The following KIAA1328 variants were observed in gnomAD, a reference collection of about 807,000 sequenced individuals.
KIAA1328 encodes the protein protein hinderin.
KIAA1328 carries 52 observed loss-of-function variants against 68.1 expected under a neutral mutation model. The observed-to-expected ratio is 0.76, with a 90% confidence interval of 0.61 to 0.96. The LOEUF (loss-of-function observed/expected upper bound fraction) is 0.96, where lower values mean the gene tolerates loss of function less well. Ranked by LOEUF, KIAA1328 falls within the 40% of genes least tolerant of loss-of-function variation. The probability of loss-of-function intolerance (pLI) is 0.00; values close to 1 mark genes in which losing one functional copy is unlikely to be tolerated. For synonymous variants in KIAA1328, 232 were observed against 239.4 expected, an observed-to-expected ratio of 0.97 and a Z score of 0.28; for missense variants, 641 against 677.6, an observed-to-expected ratio of 0.95 and a Z score of 0.60.
In KIAA1328 at chr18:37,206,108, A is replaced by G. The variant is rs552874069; in HGVS notation, c.1524-15909A>G. ...TAATTTAAATATATTCCCCCTTTTG[A>G]GAGAAGGAAATGTATACATTGTAAA... On this transcript the variant is annotated intron_variant, in intron 9 of 9. Coordinates refer to ENST00000280020, the MANE Select transcript of KIAA1328 (RefSeq NM_020776.3). Among the ~76,000 whole-genome samples, 31 of 152,200 alleles carry G rather than the reference A, an allele frequency of 2.0e-4. 1 individual carries two copies. In the South Asian group the frequency reaches 5.8e-3, roughly 29 times the overall value.
At chr18:37,024,527 C>T (rs1270217837) in intron 6 of KIAA1328, among the ~76,000 whole-genome samples, 1 of 136,328 alleles carries the variant, frequency 7.3e-6, no homozygotes, top group Non-Finnish European at 1.6e-5. Context: ...TCCCTTGCCC[C>T]TCCCCCCACC....
chr18:37,002,228 C>CTTTTTTTTTTTTTT (rs145948250), intron 6 of KIAA1328, among the ~76,000 whole-genome samples: 11 of 95,158 alleles, frequency 1.2e-4, no homozygotes, highest in African/African-American at 2.2e-4. Context: ...ATTTTTTTTT[C>CTTTTTTTTTTTTTT]TTTTTTTTTT....
intron 7 of KIAA1328, among the ~76,000 whole-genome samples, chr18:37,079,251 G>A (rs56403487): frequency 9.0e-6 from 1 of 111,662 alleles, no homozygotes; most frequent in Non-Finnish European, 1.7e-5. Flanking sequence ...AACACTGCAT[G>A]TTCTCACTCT....
At chr18:37,174,517 G>A (rs1426361050) in intron 9 of KIAA1328, among the ~76,000 whole-genome samples, 1 of 150,340 alleles carries the variant, frequency 6.7e-6, no homozygotes, top group African/African-American at 2.4e-5. Context: ...CAAGTAGCTG[G>A]GACTACAGGC....
At chr18:36,982,043 A>G (rs1352984422) in intron 6 of KIAA1328, among the ~76,000 whole-genome samples, 1 of 148,042 alleles carries the variant, frequency 6.8e-6, no homozygotes, top group Non-Finnish European at 1.5e-5. Flanking sequence ...AAAATCATTG[A>G]GTTGTTGGAC....
At chr18:37,198,157 TA>T (rs1434073947) in intron 9 of KIAA1328, among the ~76,000 whole-genome samples, 1 of 152,168 alleles carries the variant, frequency 6.6e-6, no homozygotes, top group Non-Finnish European at 1.5e-5. Context: ...AGTAGTTTAG[TA>T]ACTGTCTAGG....
At chr18:36,936,582 C>A (rs1277587782) in intron 5 of KIAA1328, among the ~76,000 whole-genome samples, 1 of 152,130 alleles carries the variant, frequency 6.6e-6, no homozygotes, top group Admixed American at 6.5e-5. Flanking sequence ...CATATATGTT[C>A]ATGTGTCTTT....
At chr18:36,969,945 T>C (rs1276995791) in intron 6 of KIAA1328, among the ~76,000 whole-genome samples, 1 of 152,172 alleles carries the variant, frequency 6.6e-6, no homozygotes. Flanking sequence ...GACTCCTCCC[T>C]AACTCATTTT....
chr18:36,969,615 A>G (rs2052090926), intron 6 of KIAA1328, among the ~76,000 whole-genome samples: 1 of 152,190 alleles, frequency 6.6e-6, no homozygotes, highest in African/African-American at 2.4e-5. Flanking sequence ...ACACATACCA[A>G]TAATGAGCTC....
At chr18:37,131,314 C>T (rs923326204) in intron 7 of KIAA1328, among the ~76,000 whole-genome samples, 24 of 152,188 alleles carry the variant, frequency 1.6e-4, no homozygotes, top group African/African-American at 5.5e-4. Flanking sequence ...CTTTCCCTCG[C>T]TTTCTAGAGC....
At chr18:37,144,859 ATATGT>A (rs1160333880) in intron 7 of KIAA1328, among the ~76,000 whole-genome samples, 3 of 152,100 alleles carry the variant, frequency 2.0e-5, no homozygotes, top group African/African-American at 7.2e-5. Context: ...TCAAATTTTA[ATATGT>A]TATATTTTTT....
intron 7 of KIAA1328, among the ~76,000 whole-genome samples, chr18:37,141,593 T>G (rs1372542285): frequency 6.6e-6 from 1 of 152,240 alleles, no homozygotes. Context: ...ACATGTTTTC[T>G]TTCTCTTAAG....
At chr18:37,201,353 C>CT (rs987769436) in intron 9 of KIAA1328, among the ~76,000 whole-genome samples, 2 of 151,860 alleles carry the variant, frequency 1.3e-5, no homozygotes, top group African/African-American at 2.4e-5. Context: ...AAATCAGGTT[C>CT]TTTTTTTTCT....
At position 36,835,382 on chromosome 18, in the gene KIAA1328, T is replaced by C. The variant is rs1199207941; in HGVS notation, c.237+6T>C. 2.5e-6 allele frequency: 4 copies of C among 1,604,480 alleles called. No individual in the cohort carries two copies. The highest frequency in any genetic ancestry group is 2.5e-6 in the Non-Finnish European group (3 of 1,176,578). On this transcript the variant is annotated splice_donor_region_variant and intron_variant, in intron 3 of 9. Transcript: ENST00000280020. ...GAGATTCAGTAGATGAACAGGTTAGTATTTTTTTCGTCTTTTTTTTTCCTT... is the reference window on the plus strand; with the variant it reads ...GAGATTCAGTAGATGAACAGGTTAGCATTTTTTTCGTCTTTTTTTTTCCTT...
chr18:37,225,607 A>G (rs891839348), downstream of KIAA1328, among the ~76,000 whole-genome samples: 1 of 152,172 alleles, frequency 6.6e-6, no homozygotes, highest in Non-Finnish European at 1.5e-5. Flanking sequence ...GTCTCTCTGC[A>G]CCTGTAAGTC....
At chr18:36,885,484 G>A in intron 4 of KIAA1328, 73 bp from the exon 5 acceptor site, 1 of 812,130 alleles carries the variant, frequency 1.2e-6, no homozygotes, top group Non-Finnish European at 1.9e-6. Flanking sequence ...GTCTGGTTTT[G>A]TAAACTGCAG....
intron 3 of KIAA1328, among the ~76,000 whole-genome samples, chr18:36,837,967 G>T (rs1347899108): frequency 1.3e-5 from 2 of 152,122 alleles, no homozygotes; most frequent in African/African-American, 4.8e-5. Flanking sequence ...GAATTAGGAA[G>T]TATAAGTCCT....
At chr18:37,176,106 A>G (rs2059592490) in intron 9 of KIAA1328, among the ~76,000 whole-genome samples, 1 of 152,240 alleles carries the variant, frequency 6.6e-6, no homozygotes, top group African/African-American at 2.4e-5. Flanking sequence ...GAAAATGTTA[A>G]CATTTGCATT....
At chr18:36,829,817 G>A (rs1020277216) in intron 1 of KIAA1328, among the ~76,000 whole-genome samples, 7 of 152,300 alleles carry the variant, frequency 4.6e-5, no homozygotes, top group South Asian at 2.1e-4. Flanking sequence ...CTTGTGGAGT[G>A]CGGGTCACTG....
Sources: allele counts gnomAD v4.1 joint callset (sites outside exome capture counted in the v4.1 genomes callset), GRCh38; gene constraint gnomAD v4.1.1; transcripts MANE v1.5; gene names NCBI Gene and HGNC (gene_info 2026-07-23, HGNC 2026-07-21).